DAB1: variants seen among roughly 807,000 people sequenced by gnomAD.
DAB1 encodes DAB adaptor protein 1, also known as disabled homolog 1.
In DAB1, 15 loss-of-function variants were observed where a neutral mutation model predicts 64.6. That is an observed-to-expected ratio of 0.23 (90% CI 0.16 to 0.36). DAB1 has a LOEUF of 0.36. DAB1 is among the 10% of genes least tolerant of loss of function. The probability of loss-of-function intolerance (pLI) is 1.00; values close to 1 mark genes in which losing one functional copy is unlikely to be tolerated. For synonymous variants in DAB1, 235 were observed against 251.9 expected (o/e 0.93, Z 0.64); for missense variants, 596 against 706.7 (o/e 0.84, Z 1.78).
chr1:57,589,344 TG>T (rs1343424268), intron 7 of DAB1, among the ~76,000 whole-genome samples: 2 of 152,184 alleles, frequency 1.3e-5, no homozygotes, highest in Admixed American at 1.3e-4. Flanking sequence ...AGTAATAACC[TG>T]GAGAAAATAT....
At chr1:57,808,137 CCT>C (rs1354513834) in intron 6 of DAB1, among the ~76,000 whole-genome samples, 3 of 150,676 alleles carry the variant, frequency 2.0e-5, no homozygotes, top group East Asian at 1.9e-4. Context: ...TTATATTCTC[CCT>C]CTCTCTCTCT....
At chr1:57,929,413 A>G (rs1644924548) in intron 5 of DAB1, among the ~76,000 whole-genome samples, 2 of 152,176 alleles carry the variant, frequency 1.3e-5, no homozygotes, top group Admixed American at 6.5e-5. Flanking sequence ...TCTTTTCACA[A>G]GTGTCTTTCA....
At chr1:57,279,918 T>C (rs947847180) in intron 2 of DAB1, among the ~76,000 whole-genome samples, 2 of 152,212 alleles carry the variant, frequency 1.3e-5, no homozygotes, top group East Asian at 3.9e-4. Flanking sequence ...CATTCCCTCC[T>C]CTTGCTGAGG....
intron 9 of DAB1, among the ~76,000 whole-genome samples, chr1:57,060,843 T>G (rs1172117035): frequency 1.0e-5 from 1 of 99,594 alleles, no homozygotes; most frequent in African/African-American, 2.8e-5. Context: ...GGAGCTTGGA[T>G]TTTTTTTTTT....
At chr1:57,930,160 T>A (rs1207085005) in intron 5 of DAB1, among the ~76,000 whole-genome samples, 1 of 152,250 alleles carries the variant, frequency 6.6e-6, no homozygotes, top group Non-Finnish European at 1.5e-5. Flanking sequence ...CTATCTTTTC[T>A]CCATTGCTTT....
At chr1:57,389,688 A>C (rs1682183637) in intron 1 of DAB1, among the ~76,000 whole-genome samples, 1 of 152,206 alleles carries the variant, frequency 6.6e-6, no homozygotes, top group African/African-American at 2.4e-5. Context: ...ACTAATGCAT[A>C]GTACATGGGT....
intron 3 of DAB1, among the ~76,000 whole-genome samples, chr1:58,434,660 G>A (rs887712133): frequency 4.6e-5 from 7 of 152,146 alleles, no homozygotes; most frequent in East Asian, 1.9e-4. Context: ...GAATGGATAC[G>A]TCACCAATAC....
intron 7 of DAB1, among the ~76,000 whole-genome samples, chr1:57,577,674 TA>T: frequency 6.6e-6 from 1 of 152,190 alleles, no homozygotes; most frequent in South Asian, 2.1e-4. Context: ...TAATCCACTC[TA>T]GGGGGAGGGG....
At chr1:57,858,119 G>T (rs1346125429) in intron 1 of DAB1, among the ~76,000 whole-genome samples, 3 of 151,858 alleles carry the variant, frequency 2.0e-5, no homozygotes, top group Non-Finnish European at 4.4e-5. Flanking sequence ...GAGTTGAATG[G>T]GTTCCTTCTG....
At chr1:57,115,423 C>T (rs1656024947) in intron 4 of DAB1, among the ~76,000 whole-genome samples, 1 of 152,198 alleles carries the variant, frequency 6.6e-6, no homozygotes, top group Non-Finnish European at 1.5e-5. Flanking sequence ...GTGAGACATA[C>T]TCTAGAACAG....
At chr1:57,224,330 C>A (rs1027219810) in intron 2 of DAB1, among the ~76,000 whole-genome samples, 3 of 152,144 alleles carry the variant, frequency 2.0e-5, no homozygotes, top group Non-Finnish European at 4.4e-5. Flanking sequence ...CCCTGATCAC[C>A]ACCTGAGTTC....
intron 4 of DAB1, among the ~76,000 whole-genome samples, chr1:58,269,589 A>T (rs1454147147): frequency 4.7e-5 from 4 of 85,458 alleles, no homozygotes; most frequent in Non-Finnish European, 1.0e-4. Context: ...ATCCCTGAGG[A>T]ATCGCCACAC....
At chr1:57,056,795 C>T (rs529094036) in intron 9 of DAB1, among the ~76,000 whole-genome samples, 15 of 151,748 alleles carry the variant, frequency 9.9e-5, no homozygotes, top group Admixed American at 2.6e-4. Flanking sequence ...ACCCAGGAAG[C>T]GGAGGCTGTA....
At chr1:57,079,440 C>T (rs138060135) in intron 4 of DAB1, among the ~76,000 whole-genome samples, 8 of 152,096 alleles carry the variant, frequency 5.3e-5, no homozygotes, top group East Asian at 3.9e-4. Flanking sequence ...CCTGGATTAC[C>T]GCAGTATCCT....
intron 6 of DAB1, among the ~76,000 whole-genome samples, chr1:57,651,206 T>C (rs1337459444): frequency 6.6e-6 from 1 of 151,668 alleles, no homozygotes; most frequent in Non-Finnish European, 1.5e-5. Context: ...ACAAAGTCAA[T>C]ATAATAAAAT....
At chr1:57,988,245 C>G (rs1214564858) in intron 5 of DAB1, among the ~76,000 whole-genome samples, 1 of 152,172 alleles carries the variant, frequency 6.6e-6, no homozygotes, top group Non-Finnish European at 1.5e-5. Flanking sequence ...CCTGAGGTTA[C>G]TTAACGAGAG....
At chr1:58,367,904 G>C (rs151329780) in intron 3 of DAB1, among the ~76,000 whole-genome samples, 78 of 152,298 alleles carry the variant, frequency 5.1e-4, no homozygotes, top group African/African-American at 1.9e-3. Flanking sequence ...TAAAGCACCA[G>C]GTTGGGGATG....
At chr1:58,272,635 TC>T (rs1661333017) in intron 4 of DAB1, among the ~76,000 whole-genome samples, 1 of 138,012 alleles carries the variant, frequency 7.2e-6, no homozygotes, top group African/African-American at 2.7e-5. Flanking sequence ...TGTTAAAGTC[TC>T]CCATTATTAA....
rs148553456 is a variant in DAB1 at position 57,282,587 on chromosome 1, G to C, written c.67+8377C>G. ...TTTATCTTCAGTGAATGACCACATC[G>C]AGTGAAGTGTCCTGTAATAAATTCA... is the stretch of plus-strand genomic sequence containing the variant. On this transcript the variant is annotated intron_variant, in intron 2 of 14. Transcript: ENST00000371236. Among the ~76,000 whole-genome samples, 476 of 152,152 alleles carry C rather than the reference G, an allele frequency of 3.1e-3. 2 individuals carry two copies. Among genetic ancestry groups the C allele is most frequent in the African/African-American group, 0.011 (464 of 41,504 alleles).
Sources: gnomAD v4.1 joint callset for allele counts (sites outside exome capture counted in the v4.1 genomes callset) on GRCh38, gnomAD v4.1.1 for gene constraint, MANE v1.5 for transcripts, NCBI Gene and HGNC (gene_info 2026-07-23, HGNC 2026-07-21) for gene names.